Variants in ANKRD30B observed in about 807,000 individuals in gnomAD.
The protein encoded by ANKRD30B is ankyrin repeat domain 30B, also known as ankyrin repeat domain-containing protein 30B.
Under a neutral mutation model 202.2 loss-of-function variants are expected in ANKRD30B, and 144 were observed. That is an observed-to-expected ratio of 0.71 (90% CI 0.62 to 0.82). ANKRD30B has a LOEUF of 0.82. ANKRD30B is among the 40% of genes least tolerant of loss of function. The pLI, the probability that ANKRD30B is intolerant of heterozygous loss-of-function variation, is 0.00. For synonymous variants in ANKRD30B, 508 were observed against 561.3 expected (o/e 0.91, Z 1.34); for missense variants, 1,487 against 1,669.1 (o/e 0.89, Z 1.90).
the ANKRD30B span, among the ~76,000 whole-genome samples, chr18:14,897,510 C>T: frequency 6.6e-6 from 1 of 151,810 alleles, no homozygotes; most frequent in African/African-American, 2.4e-5. Flanking sequence ...AAATTGTGTA[C>T]ATTCTTGGGA....
At chr18:14,900,265 C>A in the ANKRD30B span, among the ~76,000 whole-genome samples, 2 of 151,950 alleles carry the variant, frequency 1.3e-5, no homozygotes, top group South Asian at 4.2e-4. Flanking sequence ...ATTTATGGTA[C>A]CCAAAAACTT....
At chr18:14,898,954 GTATCTCAGCA>G in the ANKRD30B span, among the ~76,000 whole-genome samples, 13 of 152,230 alleles carry the variant, frequency 8.5e-5, no homozygotes, top group African/African-American at 3.1e-4. Context: ...CTTAAAATAA[GTATCTCAGCA>G]AGAACTGGAC....
chr18:14,826,394 C>G (rs1376043792), intron 32 of ANKRD30B, among the ~76,000 whole-genome samples: 1 of 152,070 alleles, frequency 6.6e-6, no homozygotes, highest in Non-Finnish European at 1.5e-5. Flanking sequence ...CAGTGGTAAT[C>G]TGTTCAAAAG....
At chr18:14,816,816 C>A (rs1970135062) in intron 30 of ANKRD30B, 1 of 152,154 alleles carries the variant, frequency 6.6e-6, no homozygotes, top group Non-Finnish European at 1.5e-5. Flanking sequence ...TTTGTAGGGA[C>A]ATGAATGAAA....
chr18:14,906,619 CT>C, the ANKRD30B span, among the ~76,000 whole-genome samples: 2,296 of 151,856 alleles, frequency 0.015, 61 homozygotes, highest in African/African-American at 0.053. Flanking sequence ...ACCACTTTCT[CT>C]TTTTTTTGCA....
At chr18:14,856,273 C>T (rs1400104543), downstream of ANKRD30B, among the ~76,000 whole-genome samples, 5 of 122,826 alleles carry the variant, frequency 4.1e-5, no homozygotes, top group South Asian at 2.8e-4. Context: ...CCAGATGGGG[C>T]GGCCGAGAAA....
Position 14,853,902 on chromosome 18 carries a change from C to T in ANKRD30B, c.4570C>T (p.His1524Tyr), listed in dbSNP as rs1318510917. ...KVTSHSHSLR[H>Y]Q ...TACATCACATTCTCACTCTCTGAGG[C>T]ATCAATAGAGGCTACATCACATTAT... is the stretch of plus-strand genomic sequence containing the variant. The change falls in exon 43 of 44, where the codon CAT becomes TAT. Residue 1524 changes from histidine (H) to tyrosine (Y), a missense_variant. His to Tyr is a moderately conservative substitution (Grantham distance 83). Transcript: ENST00000690538. Among the ~76,000 whole-genome samples the T allele has an allele frequency of 1.3e-5, 2 of 152,172 alleles. No individual in the cohort carries two copies. The highest frequency in any genetic ancestry group is 2.9e-5 in the Non-Finnish European group (2 of 68,020).
chr18:14,931,138 G>C, the ANKRD30B span, among the ~76,000 whole-genome samples: 328 of 152,296 alleles, frequency 2.2e-3, 1 homozygote, highest in African/African-American at 7.6e-3. Context: ...TGACCTGCCA[G>C]GCTACTGTCT....
At chr18:14,822,359 A>C in intron 30 of ANKRD30B, 124 bp from the exon 31 acceptor site, 1 of 715,676 alleles carries the variant, frequency 1.4e-6, no homozygotes, top group Non-Finnish European at 2.4e-6. Flanking sequence ...AAGACCCCAA[A>C]ACCTAGTGTA....
intron 34 of ANKRD30B, among the ~76,000 whole-genome samples, chr18:14,835,953 GAAAT>G (rs1280242157): frequency 2.6e-5 from 4 of 151,702 alleles, no homozygotes; most frequent in Admixed American, 6.6e-5. Context: ...AAATATTTCA[GAAAT>G]AAATATTTAC....
chr18:14,853,535 C>CTT lies in ANKRD30B; in HGVS notation c.4477-261_4477-260dup, dbSNP rs201106360. On this transcript the variant is annotated intron_variant, in intron 42 of 43. Coordinates refer to ENST00000690538, the MANE Select transcript of ANKRD30B (RefSeq NM_001367607.2). ...TAGAATTTACCACCACTAGTCCTGC[C>CTT]TTTTTTTTTTTTTTGAGACTTCAGT... 5.1e-3 allele frequency among the ~76,000 whole-genome samples: 731 copies of CTT among 141,952 alleles called. 4 individuals carry two copies. The highest frequency in any genetic ancestry group is 9.0e-3 in the African/African-American group (352 of 38,990). 93.1% of individuals were successfully genotyped at this position (141,952 alleles called of 152,430 possible). A position where few individuals can be genotyped will look rare whatever the true frequency, so the allele number is the denominator to read the frequency against.
chr18:14,860,358 G>C, the ANKRD30B span, among the ~76,000 whole-genome samples: 1 of 116,376 alleles, frequency 8.6e-6, no homozygotes, highest in East Asian at 2.6e-4. Flanking sequence ...GGGCTGCCGG[G>C]CAGAGGCGCT....
At chr18:14,872,097 A>G in the ANKRD30B span, among the ~76,000 whole-genome samples, 1 of 152,142 alleles carries the variant, frequency 6.6e-6, no homozygotes, top group Non-Finnish European at 1.5e-5. Context: ...CACGAAGCAG[A>G]CACCAGAACC....
chr18:14,940,085 C>CG, the ANKRD30B span, among the ~76,000 whole-genome samples: 1 of 152,148 alleles, frequency 6.6e-6, no homozygotes, highest in African/African-American at 2.4e-5. Flanking sequence ...GCAGAATCAC[C>CG]GATGGATTTT....
intron 32 of ANKRD30B, among the ~76,000 whole-genome samples, chr18:14,825,538 C>A (rs988780967): frequency 2.6e-4 from 40 of 151,782 alleles, no homozygotes; most frequent in African/African-American, 9.7e-4. Flanking sequence ...TCCACATTCC[C>A]TAGATATTTG....
At chr18:14,831,182 A>AAAAAAAAAAAC (rs1970912825) in intron 33 of ANKRD30B, among the ~76,000 whole-genome samples, 1 of 69,118 alleles carries the variant, frequency 1.4e-5, no homozygotes, top group Non-Finnish European at 2.8e-5. Flanking sequence ...TCCGTCTCGG[A>AAAAAAAAAAAC]AAAAAAAAAA....
chr18:14,845,569 G>T (rs561229667), intron 39 of ANKRD30B, among the ~76,000 whole-genome samples: 1 of 151,768 alleles, frequency 6.6e-6, no homozygotes, highest in South Asian at 2.1e-4. Flanking sequence ...AGCTAGTTTG[G>T]CTAGATAGAC....
chr18:14,881,968 A>T, the ANKRD30B span, among the ~76,000 whole-genome samples: 2 of 152,052 alleles, frequency 1.3e-5, no homozygotes, highest in African/African-American at 4.8e-5. Context: ...TTCATTTCTT[A>T]GTGAGGTTAT....
In ANKRD30B at chr18:14,800,248, T is replaced by C. The variant is rs755693044; in HGVS notation, c.2131+953T>C. 4.9e-4 allele frequency among the ~76,000 whole-genome samples: 74 copies of C among 150,032 alleles called. 1 individual carries two copies. The highest frequency in any genetic ancestry group is 9.7e-4 in the Non-Finnish European group (66 of 67,976). ...TCTCAAAAAGCAAACAACCATAAAT[T>C]CACAACATATGTGTGTGGTTCTGAC... On this transcript the variant is annotated intron_variant, in intron 22 of 43. Coordinates refer to ENST00000690538, the MANE Select transcript of ANKRD30B (RefSeq NM_001367607.2).
Sources: allele counts gnomAD v4.1 joint callset (sites outside exome capture counted in the v4.1 genomes callset), GRCh38; gene constraint gnomAD v4.1.1; transcripts MANE v1.5; gene names NCBI Gene and HGNC (gene_info 2026-07-23, HGNC 2026-07-21).